Variants in RANBP17 observed in about 807,000 individuals in gnomAD.
The protein encoded by RANBP17 is RAN binding protein 17, also known as ran-binding protein 17.
In RANBP17, 158 loss-of-function variants were observed where a neutral mutation model predicts 141.2. That is an observed-to-expected ratio of 1.12 (90% CI 0.98 to 1.28). The LOEUF (loss-of-function observed/expected upper bound fraction) is 1.28. Ranked by LOEUF, RANBP17 falls within the 50% of genes most tolerant of loss-of-function variation. The pLI, the probability that RANBP17 is intolerant of heterozygous loss-of-function variation, is 0.00. For synonymous variants in RANBP17, 430 were observed against 450.0 expected (o/e 0.96, Z 0.56); for missense variants, 1,438 against 1,290.7 (o/e 1.11, Z -1.75).
chr5:171,258,704 C>T (rs907915588), intron 24 of RANBP17, among the ~76,000 whole-genome samples: 3 of 151,972 alleles, frequency 2.0e-5, no homozygotes, highest in Non-Finnish European at 2.9e-5. Context: ...AACTGGACCC[C>T]TATCTCACCA....
At chr5:171,051,209 GA>G (rs1453934008) in intron 14 of RANBP17, among the ~76,000 whole-genome samples, 1 of 152,070 alleles carries the variant, frequency 6.6e-6, no homozygotes, top group Non-Finnish European at 1.5e-5. Flanking sequence ...GTATTTTGCT[GA>G]ACTTGAGAAT....
chr5:170,951,357 T>A (rs1272081333), intron 12 of RANBP17, among the ~76,000 whole-genome samples: 1 of 152,078 alleles, frequency 6.6e-6, no homozygotes, highest in Non-Finnish European at 1.5e-5. Flanking sequence ...ACAAATATGG[T>A]GTATCAATAA....
At chr5:170,864,200 C>T (rs1029636437) in intron 1 of RANBP17, among the ~76,000 whole-genome samples, 1 of 152,270 alleles carries the variant, frequency 6.6e-6, no homozygotes. Flanking sequence ...TCATAAGTTC[C>T]GTGTTCCCCA....
intron 14 of RANBP17, among the ~76,000 whole-genome samples, chr5:171,004,305 A>T (rs760683198): frequency 6.6e-6 from 1 of 152,084 alleles, no homozygotes; most frequent in Non-Finnish European, 1.5e-5. Flanking sequence ...TGGCAATGAG[A>T]TGTGGCTGCA....
chr5:171,185,605 C>T (rs2127926257), intron 18 of RANBP17, among the ~76,000 whole-genome samples: 1 of 152,308 alleles, frequency 6.6e-6, no homozygotes, highest in Admixed American at 6.5e-5. Flanking sequence ...GAAGCAACTC[C>T]TCATCCATTC....
intron 12 of RANBP17, among the ~76,000 whole-genome samples, chr5:170,930,617 G>T (rs981465633): frequency 6.6e-6 from 1 of 152,020 alleles, no homozygotes; most frequent in Non-Finnish European, 1.5e-5. Flanking sequence ...GTGTCCATGT[G>T]TTCTTATTGT....
At chr5:171,266,855 G>A (rs1766719790) in intron 25 of RANBP17, among the ~76,000 whole-genome samples, 1 of 151,902 alleles carries the variant, frequency 6.6e-6, no homozygotes, top group African/African-American at 2.4e-5. Flanking sequence ...AGAGGTTGCA[G>A]TGAGCTGAGA....
chr5:170,996,724 C>T (rs1778841583), intron 14 of RANBP17, among the ~76,000 whole-genome samples: 1 of 152,180 alleles, frequency 6.6e-6, no homozygotes, highest in Admixed American at 6.5e-5. Context: ...ATCATTACTA[C>T]TTTTCCTTTT....
At chr5:170,885,323 C>G (rs1769051537) in intron 3 of RANBP17, among the ~76,000 whole-genome samples, 1 of 152,140 alleles carries the variant, frequency 6.6e-6, no homozygotes, top group African/African-American at 2.4e-5. Flanking sequence ...AGATAAACCT[C>G]AGAATTCTCA....
At chr5:170,971,696 A>T (rs899704344) in intron 14 of RANBP17, among the ~76,000 whole-genome samples, 1 of 152,130 alleles carries the variant, frequency 6.6e-6, no homozygotes, top group African/African-American at 2.4e-5. Flanking sequence ...TCTGTCACCT[A>T]ATCCTGTGAA....
chr5:170,906,048 A>G (rs1332857645), intron 5 of RANBP17, among the ~76,000 whole-genome samples: 1 of 152,076 alleles, frequency 6.6e-6, no homozygotes, highest in African/African-American at 2.4e-5. Flanking sequence ...AGTTGCTAAC[A>G]TAATTCTCCA....
chr5:170,954,598 C>A (rs1167872910), intron 13 of RANBP17, among the ~76,000 whole-genome samples: 2 of 122,414 alleles, frequency 1.6e-5, no homozygotes, highest in Admixed American at 1.0e-4. Flanking sequence ...AATGCAATAT[C>A]AACATTTTAC....
chr5:170,955,296 T>G (rs1010042893), intron 13 of RANBP17, among the ~76,000 whole-genome samples: 1 of 151,832 alleles, frequency 6.6e-6, no homozygotes, highest in African/African-American at 2.4e-5. Context: ...ATGTATTATT[T>G]CAATTGGTAT....
At chr5:171,083,899 A>G (rs1375063633) in intron 14 of RANBP17, among the ~76,000 whole-genome samples, 1 of 151,154 alleles carries the variant, frequency 6.6e-6, no homozygotes, top group East Asian at 1.9e-4. Context: ...CTCCCCAGCC[A>G]CTTGGAACTG....
chr5:171,173,672 C>T (rs77554949), intron 16 of RANBP17, among the ~76,000 whole-genome samples: 9,850 of 152,094 alleles, frequency 0.065, 422 homozygotes, highest in East Asian at 0.12. Context: ...CTTTGGTTGC[C>T]TTAAAGCAGT....
chr5:171,082,647 C>A (rs981351912), intron 14 of RANBP17, among the ~76,000 whole-genome samples: 1 of 152,120 alleles, frequency 6.6e-6, no homozygotes, highest in Non-Finnish European at 1.5e-5. Context: ...GGTCACATAA[C>A]CTTTTAAGGC....
chr5:170,912,091 T>A (rs757704701), intron 7 of RANBP17, among the ~76,000 whole-genome samples: 2 of 151,840 alleles, frequency 1.3e-5, no homozygotes, highest in African/African-American at 2.4e-5. Flanking sequence ...CCAGATATAA[T>A]AGAGGAACAG....
intron 16 of RANBP17, among the ~76,000 whole-genome samples, chr5:171,176,217 T>A (rs1177344794): frequency 6.6e-6 from 1 of 152,134 alleles, no homozygotes; most frequent in Non-Finnish European, 1.5e-5. Context: ...TCATTTTCGT[T>A]TCTACAAGCC....
At chr5:170,934,186 T>G (rs983356859) in intron 12 of RANBP17, among the ~76,000 whole-genome samples, 7 of 152,202 alleles carry the variant, frequency 4.6e-5, no homozygotes, top group Non-Finnish European at 1.0e-4. Context: ...CTTTGTCTCT[T>G]TTGATCTTTG....
Sources: allele counts gnomAD v4.1 joint callset (sites outside exome capture counted in the v4.1 genomes callset), GRCh38; gene constraint gnomAD v4.1.1; transcripts MANE v1.5; gene names NCBI Gene and HGNC (gene_info 2026-07-23, HGNC 2026-07-21).